ENTREP3: variants seen among roughly 807,000 people sequenced by gnomAD.
ENTREP3 encodes protein ENTREP3.
the ENTREP3 span, chr1:155,254,978 C>G: frequency 1.1e-6 from 1 of 904,154 alleles, no homozygotes; most frequent in Non-Finnish European, 1.7e-6. The surrounding 1 kb of genome is among the most constrained non-coding windows in gnomAD (Gnocchi z 4.4). Flanking sequence ...CCACCCCACT[C>G]GCTCTAGAGC....
At chr1:155,254,835 G>A in the ENTREP3 span, 6 of 1,599,544 alleles carry the variant, frequency 3.8e-6, no homozygotes, top group African/African-American at 1.3e-5. The surrounding 1 kb of genome is among the most constrained non-coding windows in gnomAD (Gnocchi z 4.4). Context: ...GTGCTGGGCC[G>A]GCTGGTCAGC....
the ENTREP3 span, chr1:155,250,866 C>T: frequency 6.5e-6 from 10 of 1,533,322 alleles, no homozygotes; most frequent in Non-Finnish European, 7.9e-6. This position sits in a 1 kb window ranked among gnomAD's most constrained non-coding sequence, Gnocchi z 5.4. Flanking sequence ...CTGGCCTGGC[C>T]TAGCCCTGCC....
chr1:155,248,045 C>T, the ENTREP3 span: 2 of 1,614,222 alleles, frequency 1.2e-6, no homozygotes, highest in Non-Finnish European at 1.7e-6. Flanking sequence ...TCCCCGAATT[C>T]CTACCTGCTT....
the ENTREP3 span, chr1:155,250,405 G>A: frequency 1.8e-5 from 27 of 1,493,304 alleles, no homozygotes; most frequent in African/African-American, 2.7e-4. This position sits in a 1 kb window ranked among gnomAD's most constrained non-coding sequence, Gnocchi z 5.4. Flanking sequence ...CTGAAGCGAC[G>A]AGTCGGGGCT....
the ENTREP3 span, chr1:155,251,849 C>T: frequency 8.1e-5 from 124 of 1,524,310 alleles, no homozygotes; most frequent in African/African-American, 9.8e-5. Flanking sequence ...GGGCTGGGGG[C>T]GGGGACGTGC....
At chr1:155,252,688 G>GTGTGTATATATA in the ENTREP3 span, 4 of 47,196 alleles carry the variant, frequency 8.5e-5, no homozygotes, top group African/African-American at 1.5e-4. Context: ...GTAATTTTGT[G>GTGTGTATATATA]TGTATATATA....
At chr1:155,254,284 G>A in the ENTREP3 span, 7 of 1,487,984 alleles carry the variant, frequency 4.7e-6, no homozygotes, top group Admixed American at 1.7e-5. The surrounding 1 kb of genome is among the most constrained non-coding windows in gnomAD (Gnocchi z 4.4). Context: ...CAGACACTTC[G>A]TGCCCACCCG....
chr1:155,254,978 C>T, the ENTREP3 span: 3 of 904,154 alleles, frequency 3.3e-6, no homozygotes, highest in South Asian at 1.6e-5. The surrounding 1 kb of genome is among the most constrained non-coding windows in gnomAD (Gnocchi z 4.4). Context: ...CCACCCCACT[C>T]GCTCTAGAGC....
At chr1:155,250,723 A>T in the ENTREP3 span, 1 of 1,613,090 alleles carries the variant, frequency 6.2e-7, no homozygotes, top group Non-Finnish European at 8.5e-7. The surrounding 1 kb of genome is among the most constrained non-coding windows in gnomAD (Gnocchi z 5.4). Context: ...GAGCGCACGG[A>T]GCCCTGCAGC....
At chr1:155,252,690 G>GTGTATATATA in the ENTREP3 span, 76 of 32,866 alleles carry the variant, frequency 2.3e-3, 1 homozygote, top group African/African-American at 3.4e-3. Context: ...AATTTTGTGT[G>GTGTATATATA]TATATATATA....
chr1:155,251,308 G>A, the ENTREP3 span: 16 of 774,098 alleles, frequency 2.1e-5, no homozygotes, highest in Non-Finnish European at 2.9e-5. Flanking sequence ...TTCCACGTCT[G>A]TATGGCAGAA....
At chr1:155,251,916 AG>A in the ENTREP3 span, 5 of 1,424,360 alleles carry the variant, frequency 3.5e-6, no homozygotes, top group Non-Finnish European at 4.6e-6. Context: ...CTGCTGGGGA[AG>A]CGAGCAGGTC....
At chr1:155,248,199 T>C in the ENTREP3 span, 1 of 1,609,860 alleles carries the variant, frequency 6.2e-7, no homozygotes, top group Admixed American at 1.7e-5. Flanking sequence ...AGGGGAACTT[T>C]TTGGAAGGTG....
At chr1:155,251,033 T>C in the ENTREP3 span, 2 of 1,499,130 alleles carry the variant, frequency 1.3e-6, no homozygotes, top group African/African-American at 1.4e-5. Context: ...CTATTGTCTC[T>C]ACCCACCCCA....
chr1:155,248,311 G>C, the ENTREP3 span: 5 of 1,608,562 alleles, frequency 3.1e-6, no homozygotes, highest in Admixed American at 8.4e-5. Flanking sequence ...GCCCTGCAGA[G>C]AGACAGAGAT....
chr1:155,248,543 G>A, the ENTREP3 span: 3 of 1,393,986 alleles, frequency 2.2e-6, no homozygotes, highest in Admixed American at 1.7e-5. Flanking sequence ...ACCCTCCTGT[G>A]GGAACTCAAG....
At chr1:155,250,247 G>A in the ENTREP3 span, 1 of 1,537,426 alleles carries the variant, frequency 6.5e-7, no homozygotes, top group East Asian at 2.5e-5. This position sits in a 1 kb window ranked among gnomAD's most constrained non-coding sequence, Gnocchi z 5.4. Flanking sequence ...ACCCTCTCCT[G>A]AGCCTGGGCA....
chr1:155,248,863 C>T, the ENTREP3 span, among the ~76,000 whole-genome samples: 1 of 151,474 alleles, frequency 6.6e-6, no homozygotes, highest in East Asian at 1.9e-4. Context: ...TACAGGCGTC[C>T]ACCACCAGGC....
the ENTREP3 span, chr1:155,255,181 C>A: frequency 4.0e-6 from 2 of 494,758 alleles, no homozygotes; most frequent in South Asian, 2.4e-5. This position sits in a 1 kb window ranked among gnomAD's most constrained non-coding sequence, Gnocchi z 5.6. Context: ...AGAGGGGCAC[C>A]GAGAAGGGCC....
Sources: gnomAD v4.1 joint callset for allele counts (sites outside exome capture counted in the v4.1 genomes callset) on GRCh38, gnomAD v4.1.1 for gene constraint, Gnocchi (gnomAD v3.1) non-coding constraint, MANE v1.5 for transcripts, NCBI Gene and HGNC (gene_info 2026-07-23, HGNC 2026-07-21) for gene names.